Variants in KYNU observed in about 807,000 individuals in gnomAD.
KYNU encodes the protein kynureninase.
In KYNU, 54 loss-of-function variants were observed where a neutral mutation model predicts 59.2. That is an observed-to-expected ratio of 0.91 (90% CI 0.73 to 1.14). The LOEUF (loss-of-function observed/expected upper bound fraction) is 1.14. Among genes scored for constraint, KYNU ranks in the 50% most tolerant of loss-of-function variants. The pLI is 0.00. For synonymous variants in KYNU, 177 were observed against 192.0 expected, an observed-to-expected ratio of 0.92 and a Z score of 0.65; for missense variants, 567 against 554.4, an observed-to-expected ratio of 1.02 and a Z score of -0.23.
intron 10 of KYNU, among the ~76,000 whole-genome samples, chr2:142,987,267 A>G (rs1042270414): frequency 1.3e-5 from 2 of 151,576 alleles, no homozygotes; most frequent in Non-Finnish European, 2.9e-5. Context: ...AGAGGATCTC[A>G]TGTATTATAT....
chr2:143,032,304 A>AAC lies in KYNU; in HGVS notation c.956-931_956-930insCA, dbSNP rs751020880. ...AAAACAAAAACAAAAAAAAAAAACA[A>AAC]AACAAAAAAAACTGCTGTTTTTAAA... On this transcript the variant is annotated intron_variant, in intron 11 of 13. Transcript: ENST00000264170. 5.0e-3 allele frequency among the ~76,000 whole-genome samples: 615 copies of AAC among 123,384 alleles called. 4 individuals are homozygous for AAC. The highest frequency in any genetic ancestry group is 7.8e-3 in the Non-Finnish European group (424 of 54,164). The allele number at this position is 123,384 out of a possible 152,430, so 80.9% of individuals were successfully genotyped here.
intron 10 of KYNU, among the ~76,000 whole-genome samples, chr2:143,024,445 A>G (rs1396196655): frequency 6.6e-6 from 1 of 152,040 alleles, no homozygotes; most frequent in Non-Finnish European, 1.5e-5. Flanking sequence ...AATTCATGGG[A>G]AAAATATTAG....
At chr2:142,941,128 C>T (rs1357222345) in intron 4 of KYNU, among the ~76,000 whole-genome samples, 1 of 152,228 alleles carries the variant, frequency 6.6e-6, no homozygotes, top group African/African-American at 2.4e-5. Context: ...AAAAGTTTCA[C>T]CTCTACTCCC....
At chr2:142,960,536 A>G in intron 7 of KYNU, 88 bp from the exon 8 acceptor site, 3 of 1,243,846 alleles carry the variant, frequency 2.4e-6, no homozygotes, top group South Asian at 1.4e-5. Context: ...ATAATGCAAA[A>G]GGGCTCACGG....
At chr2:142,944,023 G>A (rs1388337531) in intron 4 of KYNU, among the ~76,000 whole-genome samples, 1 of 152,130 alleles carries the variant, frequency 6.6e-6, no homozygotes, top group Non-Finnish European at 1.5e-5. Context: ...ATTATGTTAG[G>A]ATTAAAAAGA....
At chr2:142,890,872 A>G (rs1223765861) in intron 2 of KYNU, among the ~76,000 whole-genome samples, 2 of 152,224 alleles carry the variant, frequency 1.3e-5, no homozygotes, top group Non-Finnish European at 2.9e-5. Flanking sequence ...CGTTGGAGAT[A>G]GTTTTCATAA....
chr2:142,914,370 C>T (rs1044163361), intron 2 of KYNU, among the ~76,000 whole-genome samples: 7 of 152,254 alleles, frequency 4.6e-5, no homozygotes, highest in East Asian at 3.9e-4. Context: ...TACTTGAAGT[C>T]GTAGCATTTA....
At position 143,054,301 on chromosome 2, in the gene KYNU, G is replaced by C. The variant is rs1008508955; in HGVS notation, c.*12129G>C. 2 of 151,698 alleles carry C rather than the reference G, an allele frequency of 1.3e-5. No individual in the cohort carries two copies. The highest frequency in any genetic ancestry group is 2.9e-5 in the Non-Finnish European group (2 of 67,918). The allele number at this position is 151,698 out of a possible 1,614,324, so 9.4% of individuals were successfully genotyped here. A position where few individuals can be genotyped will look rare whatever the true frequency, so the allele number is the denominator to read the frequency against. ...TTTTTTACATAATAGAGCTATAAAG[G>C]CAATTCACAATTCTCTCTTTTCTCA... On this transcript the variant is annotated 3_prime_UTR_variant, in exon 14 of 14. Coordinates refer to ENST00000264170, the MANE Select transcript of KYNU (RefSeq NM_003937.3).
At chr2:143,028,488 C>T (rs538735431) in intron 10 of KYNU, among the ~76,000 whole-genome samples, 2 of 149,542 alleles carry the variant, frequency 1.3e-5, no homozygotes, top group African/African-American at 2.4e-5. Context: ...ATGATCCACC[C>T]GCCTTGGCCT....
chr2:142,890,975 A>AT (rs1199611037), intron 2 of KYNU, among the ~76,000 whole-genome samples: 4 of 151,948 alleles, frequency 2.6e-5, no homozygotes, highest in African/African-American at 4.8e-5. Context: ...GTAATGTTTC[A>AT]TTTTTTTTCT....
intron 12 of KYNU, among the ~76,000 whole-genome samples, chr2:143,037,534 G>C (rs1017465575): frequency 5.3e-5 from 8 of 152,062 alleles, no homozygotes; most frequent in African/African-American, 1.2e-4. Context: ...AAATTTCCTA[G>C]AGAGACAGTT....
chr2:142,947,217 G>A (rs1021038700), intron 4 of KYNU: 3 of 1,550,420 alleles, frequency 1.9e-6, no homozygotes, highest in African/African-American at 1.4e-5. Flanking sequence ...GAAAACTTCA[G>A]TGGAGTTCTC....
chr2:142,915,674 G>C (rs957326086), intron 2 of KYNU, among the ~76,000 whole-genome samples: 5 of 152,176 alleles, frequency 3.3e-5, no homozygotes, highest in Non-Finnish European at 4.4e-5. Context: ...TTCAAAGAAA[G>C]GAGCATTCCA....
intron 8 of KYNU, among the ~76,000 whole-genome samples, chr2:142,983,868 G>C (rs1178155549): frequency 6.6e-6 from 1 of 152,004 alleles, no homozygotes; most frequent in Non-Finnish European, 1.5e-5. Context: ...ATTAGCACCT[G>C]ACTTAATAAA....
At chr2:142,885,291 G>T (rs888706972) in intron 1 of KYNU, 58 bp from the exon 2 acceptor site, 1 of 1,399,382 alleles carries the variant, frequency 7.1e-7, no homozygotes, top group African/African-American at 1.4e-5. Context: ...TACCTAAAGG[G>T]CTCATTTTCT....
At chr2:142,976,082 A>C (rs1167947796) in intron 8 of KYNU, among the ~76,000 whole-genome samples, 1 of 152,182 alleles carries the variant, frequency 6.6e-6, no homozygotes, top group Non-Finnish European at 1.5e-5. Flanking sequence ...GAAGGTATGA[A>C]GATACCTTGC....
At chr2:142,935,449 C>T (rs1683357429) in intron 4 of KYNU, among the ~76,000 whole-genome samples, 1 of 152,054 alleles carries the variant, frequency 6.6e-6, no homozygotes, top group Non-Finnish European at 1.5e-5. Flanking sequence ...GTAGGCTGGG[C>T]AGGAGTTTGG....
At chr2:143,001,354 G>C (rs1456988561) in intron 10 of KYNU, among the ~76,000 whole-genome samples, 5 of 151,998 alleles carry the variant, frequency 3.3e-5, no homozygotes, top group Non-Finnish European at 5.9e-5. Flanking sequence ...TGTCTCTCTC[G>C]GGCTTCTAGC....
At chr2:142,961,994 TAAC>T (rs533933745) in intron 8 of KYNU, among the ~76,000 whole-genome samples, 2 of 152,240 alleles carry the variant, frequency 1.3e-5, no homozygotes, top group Non-Finnish European at 2.9e-5. Context: ...TAGGAATTTC[TAAC>T]AACGACTTCC....
Sources: gnomAD v4.1 joint callset for allele counts (sites outside exome capture counted in the v4.1 genomes callset) on GRCh38, gnomAD v4.1.1 for gene constraint, MANE v1.5 for transcripts, NCBI Gene and HGNC (gene_info 2026-07-23, HGNC 2026-07-21) for gene names.